The following NPEPPS variants were observed in gnomAD, a reference collection of about 807,000 sequenced individuals.
The protein encoded by NPEPPS is puromycin-sensitive aminopeptidase.
NPEPPS carries 14 observed loss-of-function variants against 115.5 expected under a neutral mutation model. The ratio of observed to expected loss-of-function variants is 0.12; its 90% confidence interval spans 0.08 to 0.19. NPEPPS has a LOEUF of 0.19. Among genes scored for constraint, NPEPPS ranks in the 10% least tolerant of loss-of-function variants. The pLI, the probability that NPEPPS is intolerant of heterozygous loss-of-function variation, is 1.00. For missense variants in NPEPPS, 523 were observed against 1,110.8 expected (o/e 0.47, Z 7.52); for synonymous variants, 285 against 390.6 (o/e 0.73, Z 3.19).
At chr17:47,551,588 A>G (rs1391490434) in intron 2 of NPEPPS, among the ~76,000 whole-genome samples, 36 of 121,978 alleles carry the variant, frequency 3.0e-4, no homozygotes, top group Admixed American at 9.5e-4. Flanking sequence ...CTTGTGCCTC[A>G]GCCTCCCAAG....
intron 17 of NPEPPS, among the ~76,000 whole-genome samples, chr17:47,608,876 A>G (rs1913676527): frequency 1.3e-5 from 2 of 152,226 alleles, no homozygotes; most frequent in African/African-American, 4.8e-5. Flanking sequence ...CAGAATGATG[A>G]AGGCTAATTC....
chr17:47,614,109 T>TA (rs1396750805), intron 19 of NPEPPS, among the ~76,000 whole-genome samples: 3 of 151,996 alleles, frequency 2.0e-5, no homozygotes, highest in Non-Finnish European at 4.4e-5. Flanking sequence ...TAGCTGGAAT[T>TA]ATAGGAGTGT....
At chr17:47,580,946 A>T (rs1248761973) in intron 4 of NPEPPS, 2 of 151,910 alleles carry the variant, frequency 1.3e-5, no homozygotes, top group African/African-American at 2.4e-5. Context: ...CCCAAATCGT[A>T]TAGTGGGTTC....
In NPEPPS at chr17:47,591,966, G is replaced by T. The variant is rs1425120512; in HGVS notation, c.1271G>T (p.Gly424Val). 8.5e-7 allele frequency: 1 copy of T among 1,182,398 alleles called. No individual in the cohort carries two copies. The highest frequency in any genetic ancestry group is 1.2e-6 in the Non-Finnish European group (1 of 806,966). 73.2% of individuals were successfully genotyped at this position (1,182,398 alleles called of 1,614,324 possible). Residue 424 changes from glycine to valine, a missense_variant, in exon 11 of 23, where the codon GGC (glycine) becomes GTC (valine). Coordinates refer to ENST00000322157, the MANE Select transcript of NPEPPS (RefSeq NM_006310.4). ...CACACTGTCTGCCAGGTCAGTGTGG[G>T]CCATCCATCTGAGGTTGATGAGATA... is the stretch of plus-strand genomic sequence containing the variant. ...DNSHPIEVSV[G>V]HPSEVDEIFD...
At chr17:47,562,716 A>G (rs1424339153) in intron 2 of NPEPPS, among the ~76,000 whole-genome samples, 1 of 151,470 alleles carries the variant, frequency 6.6e-6, no homozygotes, top group African/African-American at 2.4e-5. Flanking sequence ...CTTAAAACCC[A>G]TTTCATCTGC....
At chr17:47,614,030 A>G (rs1914040925) in intron 19 of NPEPPS, among the ~76,000 whole-genome samples, 1 of 151,210 alleles carries the variant, frequency 6.6e-6, no homozygotes, top group Non-Finnish European at 1.5e-5. Context: ...GGCTAAAGTG[A>G]CATAATCATG....
rs1468955602 is a variant in NPEPPS at position 47,579,065 on chromosome 17, G to C, written c.419-325G>C. Among the ~76,000 whole-genome samples, 6 of 152,230 alleles carry C rather than the reference G, an allele frequency of 3.9e-5. 2 individuals carry two copies. In the Middle Eastern group the frequency reaches 0.017, roughly 431 times the overall value. ...GTTATATATATTTTAAAAGCACTAT[G>C]CACAATAGCACATATCAGGCATTTA... On this transcript the variant is annotated intron_variant, in intron 3 of 22. Coordinates refer to ENST00000322157, the MANE Select transcript of NPEPPS (RefSeq NM_006310.4).
intron 19 of NPEPPS, among the ~76,000 whole-genome samples, chr17:47,617,130 T>G (rs1276735648): frequency 6.6e-6 from 1 of 152,218 alleles, no homozygotes; most frequent in Admixed American, 6.5e-5. Context: ...ACCTATAGTT[T>G]AGAAAGCAGG....
At chr17:47,570,336 C>T (rs1244926415) in intron 3 of NPEPPS, among the ~76,000 whole-genome samples, 3 of 152,106 alleles carry the variant, frequency 2.0e-5, no homozygotes, top group African/African-American at 7.2e-5. Context: ...GCAAGAAAAT[C>T]GCCAGAAGCC....
chr17:47,621,738 G>T, intron 22 of NPEPPS, 30 bp from the exon 23 acceptor site: 1 of 1,576,900 alleles, frequency 6.3e-7, no homozygotes. Flanking sequence ...TGCTAGTAAT[G>T]ATCCTGCATT....
At chr17:47,544,357 G>A (rs1909027546) in intron 1 of NPEPPS, among the ~76,000 whole-genome samples, 2 of 152,090 alleles carry the variant, frequency 1.3e-5, no homozygotes, top group Admixed American at 1.3e-4. Context: ...ATTGTATAAA[G>A]TTTTGACATA....
At chr17:47,551,221 A>G (rs1909626491) in intron 2 of NPEPPS, among the ~76,000 whole-genome samples, 1 of 152,102 alleles carries the variant, frequency 6.6e-6, no homozygotes, top group Non-Finnish European at 1.5e-5. Context: ...TAACTGGGCT[A>G]AAAGCAGATA....
chr17:47,532,088 G>C lies in NPEPPS; in HGVS notation c.255+533G>C, dbSNP rs73985167. 3.3e-4 allele frequency among the ~76,000 whole-genome samples: 50 copies of C among 152,090 alleles called. 1 individual carries two copies. The highest frequency in any genetic ancestry group is 1.2e-3 in the East Asian group (6 of 5,154). ...GAGCGACGAGGGGAGCTTCTAGAAG[G>C]GGGGGGAGAGGGTGAGAACGAGAAT... On this transcript the variant is annotated intron_variant, in intron 1 of 22. Coordinates refer to ENST00000322157, the MANE Select transcript of NPEPPS (RefSeq NM_006310.4).
chr17:47,529,248 AT>A (rs1567829190), upstream of NPEPPS, among the ~76,000 whole-genome samples: 1 of 151,724 alleles, frequency 6.6e-6, no homozygotes. Context: ...TTTCATTTTT[AT>A]TTTTTTAGAG....
intron 1 of NPEPPS, among the ~76,000 whole-genome samples, chr17:47,540,094 T>G (rs534075150): frequency 1.3e-5 from 2 of 152,314 alleles, no homozygotes; most frequent in East Asian, 3.9e-4. Context: ...TGCCTCCCTA[T>G]CTCATAGGAA....
chr17:47,594,552 A>G (rs1314331490), intron 12 of NPEPPS, among the ~76,000 whole-genome samples: 2 of 151,568 alleles, frequency 1.3e-5, no homozygotes, highest in African/African-American at 2.4e-5. Context: ...CTGGGATTAC[A>G]GGCATGTGCC....
chr17:47,593,552 C>A (rs1912645012), intron 12 of NPEPPS, among the ~76,000 whole-genome samples: 1 of 151,772 alleles, frequency 6.6e-6, no homozygotes, highest in Non-Finnish European at 1.5e-5. Context: ...AGAACAAGAT[C>A]CTGTCTGAAA....
intron 2 of NPEPPS, among the ~76,000 whole-genome samples, chr17:47,550,456 A>G (rs926349813): frequency 5.3e-5 from 8 of 150,536 alleles, no homozygotes; most frequent in African/African-American, 1.9e-4. Flanking sequence ...ACTTGTTTTA[A>G]AATAATCCTT....
intron 2 of NPEPPS, chr17:47,559,538 G>C (rs765771349): frequency 6.6e-5 from 26 of 396,530 alleles, no homozygotes; most frequent in Non-Finnish European, 1.2e-4. Flanking sequence ...TATATGAATA[G>C]TTTGCTAGTA....
Sources: gnomAD v4.1 joint callset for allele counts (sites outside exome capture counted in the v4.1 genomes callset) on GRCh38, gnomAD v4.1.1 for gene constraint, MANE v1.5 for transcripts, NCBI Gene and HGNC (gene_info 2026-07-23, HGNC 2026-07-21) for gene names.